Variants in LRRC66 observed in about 807,000 individuals in gnomAD.
LRRC66 encodes the protein leucine-rich repeat-containing protein 66.
A neutral mutation model predicts 24.6 loss-of-function variants in LRRC66; 29 were observed. The ratio of observed to expected loss-of-function variants is 1.18; its 90% CI spans 0.88 to 1.61. The LOEUF is 1.61. LRRC66 is among the 40% of genes most tolerant of loss of function. The pLI is 0.00. For synonymous variants in LRRC66, 411 were observed against 397.6 expected (o/e 1.03, Z -0.40); for missense variants, 1,124 against 1,058.0 (o/e 1.06, Z -0.87).
In LRRC66 at chr4:51,995,975, C is replaced by T. The variant is rs746958875; in HGVS notation, c.1047G>A (p.Gln349=). 3 of 1,614,000 alleles carry T rather than the reference C, an allele frequency of 1.9e-6. 1 individual carries two copies. In the South Asian group the frequency reaches 3.3e-5, roughly 18 times the overall value. ...AKAGSGLRKK[Q]RRLPRSVRST... ...TTCTAACACTCCTTGGCAGCCGTCT[C>T]TGCTTCTTCCTGAGACCAGAGCCGG... Residue 349 remains glutamine (Q), a synonymous_variant, in exon 5 of 5, where the codon CAG becomes CAA. Coordinates refer to ENST00000682860, the MANE Select transcript of LRRC66 (RefSeq NM_001024611.3).
chr4:51,998,877 A>G (rs765313341), intron 3 of LRRC66, among the ~76,000 whole-genome samples: 9 of 152,202 alleles, frequency 5.9e-5, no homozygotes, highest in Non-Finnish European at 1.2e-4. Context: ...CACCTATTCT[A>G]CAGAGGAAGA....
At chr4:52,003,198 A>G (rs747219594) in intron 3 of LRRC66, 25 bp downstream of exon 3, 4 of 1,575,390 alleles carry the variant, frequency 2.5e-6, no homozygotes. Context: ...TCCTTATTCA[A>G]ATATTATAAA....
Position 52,017,546 on chromosome 4 carries a change from T to C in LRRC66, c.68A>G (p.Asn23Ser). ...IGLYFTGIMT[N>S]ASRKSNILFN... ...TAAAATATTGCTTTTTCTTGATGCA[T>C]TTGTCATTATTCCAGTAAAATAAAG... Residue 23 changes from asparagine to serine, a missense_variant, in exon 2 of 5, where the codon AAT becomes AGT. Physicochemically the swap from Asn to Ser is conservative, Grantham distance 46. Coordinates refer to ENST00000682860, the MANE Select transcript of LRRC66 (RefSeq NM_001024611.3). 6.2e-7 allele frequency: 1 copy of C among 1,611,008 alleles called. No individual in the cohort carries two copies. Among genetic ancestry groups the C allele is most frequent in the Non-Finnish European group, 8.5e-7 (1 of 1,178,828 alleles).
In LRRC66 at chr4:51,995,667, T is replaced by C. The variant is rs373498518; in HGVS notation, c.1355A>G (p.Tyr452Cys). 145 of 1,614,022 alleles carry C rather than the reference T, an allele frequency of 9.0e-5. No individual in the cohort carries two copies. The highest frequency in any genetic ancestry group is 1.2e-4 in the Non-Finnish European group (140 of 1,180,030). Reference protein sequence around the residue: ...LRQVFPHLSLYENQTPFWVTQ... With the variant: ...LRQVFPHLSLCENQTPFWVTQ... Reference sequence around the variant, plus strand: ...CACCCAGAAAGGGGTCTGGTTCTCGTAGAGGCTTAGATGAGGAAATACTTG... The same window carrying C: ...CACCCAGAAAGGGGTCTGGTTCTCGCAGAGGCTTAGATGAGGAAATACTTG... Residue 452 changes from tyrosine (Y) to cysteine (C), a missense_variant, in exon 5 of 5, where the codon TAC (tyrosine) becomes TGC (cysteine). Coordinates refer to ENST00000682860, the MANE Select transcript of LRRC66 (RefSeq NM_001024611.3).
chr4:52,009,017 T>C (rs1736644522), intron 2 of LRRC66, among the ~76,000 whole-genome samples: 1 of 152,166 alleles, frequency 6.6e-6, no homozygotes, highest in African/African-American at 2.4e-5. Flanking sequence ...AAGGTTCTTA[T>C]ATTACAGGCA....
chr4:51,995,821 C>T lies in LRRC66; in HGVS notation c.1201G>A (p.Val401Ile). The T allele has an allele frequency of 6.2e-7, 1 of 1,614,160 alleles. No homozygotes were observed. The highest frequency in any genetic ancestry group is 2.2e-5 in the East Asian group (1 of 44,866). The stretch of plus-strand genomic sequence containing the variant: ...CACTTTTTTTGCCACAGTCTGTCAA[C>T]ATAAGGCCTTGTGAAAGCCCCCAGG... ...FSLGAFTRPY[V>I]DRLWQKKCQS... is the part of the protein sequence containing the mutation. The change falls in exon 5 of 5, where the codon GTT (valine) becomes ATT (isoleucine). Residue 401 changes from valine (V) to isoleucine (I), a missense_variant. Physicochemically the swap from Val to Ile is conservative, Grantham distance 29 (BLOSUM62 3). Coordinates refer to ENST00000682860, the MANE Select transcript of LRRC66 (RefSeq NM_001024611.3).
intron 2 of LRRC66, 109 bp downstream of exon 2, chr4:52,017,009 G>A (rs1651302066): frequency 5.0e-6 from 6 of 1,188,140 alleles, no homozygotes; most frequent in Non-Finnish European, 7.1e-6. Context: ...TGATCAAATT[G>A]CTTTACTTTC....
At chr4:52,000,060 T>G (rs1227493865) in intron 3 of LRRC66, among the ~76,000 whole-genome samples, 1 of 152,174 alleles carries the variant, frequency 6.6e-6, no homozygotes, top group African/African-American at 2.4e-5. Context: ...ACATCCATTG[T>G]GATATTCAGC....
intron 3 of LRRC66, among the ~76,000 whole-genome samples, chr4:52,002,505 A>G (rs571990254): frequency 1.3e-5 from 2 of 151,980 alleles, no homozygotes; most frequent in Non-Finnish European, 2.9e-5. Context: ...CTTGGAGGAG[A>G]AGGGGCTGAA....
At chr4:51,997,072 G>T (rs1419053921) in intron 4 of LRRC66, among the ~76,000 whole-genome samples, 1 of 152,170 alleles carries the variant, frequency 6.6e-6, no homozygotes, top group African/African-American at 2.4e-5. Flanking sequence ...GAATAGAACA[G>T]AATCTATGAC....
chr4:51,994,996 CA>C lies in LRRC66; in HGVS notation c.2025del (p.Ser675ArgfsTer39). The C allele has an allele frequency of 1.9e-6, 3 of 1,614,116 alleles. No homozygotes were observed. The highest frequency in any genetic ancestry group is 2.5e-6 in the Non-Finnish European group (3 of 1,180,036). ...GPSVFPPRWD[S>X]GLDVTPANKE... Reference sequence around the variant, plus strand: ...TTGTTAGCAGGAGTGACATCCAGGCCACTGTCCCATCTTGGAGGAAAGACTG... The same window carrying C: ...TTGTTAGCAGGAGTGACATCCAGGCCCTGTCCCATCTTGGAGGAAAGACTG... On this transcript the variant is annotated frameshift_variant, in exon 5 of 5. Coordinates refer to ENST00000682860, the MANE Select transcript of LRRC66 (RefSeq NM_001024611.3). LOFTEE classifies it low-confidence loss of function (END_TRUNC).
rs567912957 is a variant in LRRC66, at chr4:52,015,045, C to G, written c.496+2073G>C. Among the ~76,000 whole-genome samples the G allele has an allele frequency of 3.9e-5, 6 of 152,284 alleles. No individual in the cohort carries two copies. The South Asian group carries it at 1.2e-3, about 32-fold the overall frequency. On this transcript the variant is annotated intron_variant, in intron 2 of 4. Coordinates refer to ENST00000682860, the MANE Select transcript of LRRC66 (RefSeq NM_001024611.3). Reference sequence around the variant, plus strand: ...TTAAGTGGAACTGTATTAGTCCTAACCCCCAGTTAGCTCAGGGGAATTCAT... The same window carrying G: ...TTAAGTGGAACTGTATTAGTCCTAAGCCCCAGTTAGCTCAGGGGAATTCAT...
In LRRC66 at chr4:51,995,785, T is replaced by G. The variant is rs757534560; in HGVS notation, c.1237A>C (p.Ser413Arg). The G allele has an allele frequency of 6.2e-7, 1 of 1,614,118 alleles. No individual in the cohort carries two copies. The highest frequency in any genetic ancestry group is 8.5e-7 in the Non-Finnish European group (1 of 1,180,016). ...RLWQKKCQSK[S>R]PGLDNAYSNE... ...GAATACGCGTTGTCCAGGCCAGGGC[T>G]TTTGCTCTGGCACTTTTTTTGCCAC... The change falls in exon 5 of 5, where the codon AGC becomes CGC. Residue 413 changes from serine (S) to arginine (R), a missense_variant. By Grantham distance (110) the Ser-to-Arg change is moderately radical (BLOSUM62 -1). Coordinates refer to ENST00000682860, the MANE Select transcript of LRRC66 (RefSeq NM_001024611.3).
At chr4:52,008,752 C>T (rs1578116560) in intron 2 of LRRC66, among the ~76,000 whole-genome samples, 1 of 151,516 alleles carries the variant, frequency 6.6e-6, no homozygotes, top group African/African-American at 2.4e-5. Flanking sequence ...AGGAGTAGAC[C>T]CAGAGTAGAA....
rs566621291 is a variant in LRRC66, at chr4:51,994,356, A to G, written c.*23T>C. The G allele has an allele frequency of 1.6e-5, 25 of 1,580,452 alleles. No homozygotes were observed. The East Asian group carries it at 5.1e-4, about 33-fold the overall frequency. ...TAAAAGAATATTGTTTAGAGCTGTG[A>G]ATATTTCCTTAATGAAAGATTCTTA... On this transcript the variant is annotated 3_prime_UTR_variant, in exon 5 of 5. Coordinates refer to ENST00000682860, the MANE Select transcript of LRRC66 (RefSeq NM_001024611.3).
intron 3 of LRRC66, among the ~76,000 whole-genome samples, chr4:52,002,550 T>G (rs953542497): frequency 1.6e-4 from 25 of 152,184 alleles, no homozygotes; most frequent in Non-Finnish European, 3.1e-4. Context: ...CAGGAGTTCC[T>G]TACCCTTACA....
Position 51,996,171 on chromosome 4 carries a change from A to C in LRRC66, c.857-6T>G, listed in dbSNP as rs1736312012. On this transcript the variant is annotated splice_polypyrimidine_tract_variant and splice_region_variant and intron_variant, in intron 4 of 4. Coordinates refer to ENST00000682860, the MANE Select transcript of LRRC66 (RefSeq NM_001024611.3). ...CCCGTTGGCCTCCTCACTCCCTGCA[A>C]GTGGGATTAAAAAAATACACATTGA... is the stretch of plus-strand genomic sequence containing the variant. The C allele has an allele frequency of 1.9e-6, 3 of 1,568,856 alleles. No individual in the cohort carries two copies. The South Asian group carries it at 3.5e-5, about 18-fold the overall frequency.
At chr4:52,011,349 A>G (rs1736696198) in intron 2 of LRRC66, among the ~76,000 whole-genome samples, 1 of 152,192 alleles carries the variant, frequency 6.6e-6, no homozygotes, top group South Asian at 2.1e-4. Context: ...TATCTTATAT[A>G]CTTTTTGTTT....
At chr4:52,007,040 A>G (rs1736603419) in intron 2 of LRRC66, among the ~76,000 whole-genome samples, 1 of 152,162 alleles carries the variant, frequency 6.6e-6, no homozygotes, top group Non-Finnish European at 1.5e-5. Flanking sequence ...AAACCACAAA[A>G]GGGTGGTCTG....
Sources: gnomAD v4.1 joint callset for allele counts (sites outside exome capture counted in the v4.1 genomes callset) on GRCh38, gnomAD v4.1.1 for gene constraint, MANE v1.5 for transcripts, NCBI Gene and HGNC (gene_info 2026-07-23, HGNC 2026-07-21) for gene names.